The following SYT8 variants were observed in gnomAD, a reference collection of about 807,000 sequenced individuals.
SYT8 encodes synaptotagmin 8.
A neutral mutation model predicts 34.9 loss-of-function variants in SYT8; 50 were observed. The observed-to-expected ratio is 1.43, with a 90% CI of 1.14 to 1.81. The LOEUF (loss-of-function observed/expected upper bound fraction) is 1.81. Among genes scored for constraint, SYT8 ranks in the 40% most tolerant of loss-of-function variants. The probability of loss-of-function intolerance (pLI) is 0.00; values close to 1 mark genes in which losing one functional copy is unlikely to be tolerated. For synonymous variants in SYT8, 255 were observed against 234.2 expected, an observed-to-expected ratio of 1.09 and a Z score of -0.81; for missense variants, 595 against 529.0, an observed-to-expected ratio of 1.12 and a Z score of -1.22.
chr11:1,832,033 T>C, upstream of SYT8: 1 of 335,980 alleles, frequency 3.0e-6, no homozygotes, highest in Non-Finnish European at 6.0e-6. Context: ...GAGGGAAGCA[T>C]TAGCAAGCCT....
At position 1,835,977 on chromosome 11, in the gene SYT8, G is replaced by A. The variant is rs139074200; in HGVS notation, c.350G>A (p.Ser117Asn). ...CTCTCCCTGGAGTTCGACTTTGGAA[G>A]CCAGGAGGTGAAGGGCCCCGCTGCG... ...LQLSLEFDFG[S>N]QEIRVGLRQA... Residue 117 changes from serine (S) to asparagine (N), a missense_variant, in exon 3 of 8, where the codon AGC becomes AAC. By Grantham distance (46) the Ser-to-Asn change is conservative (BLOSUM62 1). Coordinates refer to ENST00000341958, the MANE Select transcript of SYT8 (RefSeq NM_001394072.1). 5.2e-5 allele frequency: 84 copies of A among 1,606,064 alleles called. No individual in the cohort carries two copies. Among genetic ancestry groups the A allele is most frequent in the Non-Finnish European group, 6.7e-5 (79 of 1,177,688 alleles).
upstream of SYT8, chr11:1,834,760 G>C (rs993103180): frequency 3.7e-6 from 3 of 812,118 alleles, no homozygotes; most frequent in Non-Finnish European, 6.0e-6. This position sits in a 1 kb window ranked among gnomAD's most constrained non-coding sequence, Gnocchi z 4.5. Flanking sequence ...GGTGGAGGAC[G>C]CATCCTACAG....
chr11:1,832,058 C>G (rs958230956), upstream of SYT8, among the ~76,000 whole-genome samples: 7 of 152,230 alleles, frequency 4.6e-5, no homozygotes, highest in African/African-American at 1.7e-4. Flanking sequence ...TGGTGCCCGC[C>G]TTGGGCTAAC....
chr11:1,835,668 C>T (rs1846873435), intron 2 of SYT8: 4 of 744,392 alleles, frequency 5.4e-6, no homozygotes, highest in East Asian at 5.4e-5. Context: ...GAGGGAGCCA[C>T]AGCGGGTTCT....
intron 2 of SYT8, 24 bp from the exon 3 acceptor site, chr11:1,835,862 G>A (rs1422842529): frequency 1.3e-6 from 2 of 1,596,748 alleles, no homozygotes; most frequent in Non-Finnish European, 1.7e-6. Context: ...AGCACCACCT[G>A]CCCCTTGTCC....
chr11:1,832,532 G>T (rs1006482170), upstream of SYT8, among the ~76,000 whole-genome samples: 6 of 152,186 alleles, frequency 3.9e-5, no homozygotes, highest in African/African-American at 1.4e-4. Flanking sequence ...TGGGAGGGGA[G>T]ACCCGAGAGC....
At chr11:1,835,544 C>T (rs771760822) in intron 2 of SYT8, 85 bp downstream of exon 2, 1 of 1,508,888 alleles carries the variant, frequency 6.6e-7, no homozygotes, top group Non-Finnish European at 9.0e-7. Context: ...CGAGTTCAGC[C>T]CCAGGGATGG....
intron 2 of SYT8, 51 bp from the exon 3 acceptor site, chr11:1,835,835 T>C (rs1227492262): frequency 5.3e-6 from 8 of 1,507,758 alleles, no homozygotes; most frequent in Non-Finnish European, 7.4e-6. Flanking sequence ...CCCAGGGCTC[T>C]GATGAGGCAT....
upstream of SYT8, among the ~76,000 whole-genome samples, chr11:1,833,421 G>A (rs955745277): frequency 1.1e-4 from 16 of 152,350 alleles, no homozygotes; most frequent in Middle Eastern, 3.4e-3. Flanking sequence ...GCCCCAGCAC[G>A]CATTAAACCA....
In SYT8 at chr11:1,835,497, G is replaced by A; in HGVS notation, c.258+38G>A. The A allele has an allele frequency of 2.5e-6, 4 of 1,604,244 alleles. No homozygotes were observed. In the African/African-American group the frequency reaches 4.0e-5, roughly 16 times the overall value. On this transcript the variant is annotated intron_variant, in intron 2 of 7. Transcript: ENST00000341958. ...TCCTTGCTCACTCAGTCCAGAGAGG[G>A]CTTGAAATCCAGGCTCCAGAGCCCA... is the stretch of plus-strand genomic sequence containing the variant.
intron 7 of SYT8, 45 bp downstream of exon 7, chr11:1,837,135 C>T: frequency 1.2e-6 from 2 of 1,604,986 alleles, no homozygotes; most frequent in Non-Finnish European, 1.7e-6. Flanking sequence ...CAGTGCCAGA[C>T]CACGATGACT....
chr11:1,831,793 T>C (rs1375714001), upstream of SYT8: 2 of 455,636 alleles, frequency 4.4e-6, no homozygotes, highest in South Asian at 1.6e-5. Context: ...CAGGAGAGAG[T>C]TCCCCGTCAC....
At chr11:1,834,978 C>G (rs1846817621), upstream of SYT8, 12 of 968,270 alleles carry the variant, frequency 1.2e-5, no homozygotes, top group Non-Finnish European at 1.7e-5. This position sits in a 1 kb window ranked among gnomAD's most constrained non-coding sequence, Gnocchi z 4.5. Flanking sequence ...CGTGCTGCCT[C>G]CTTGCCCTGG....
At chr11:1,835,842 G>A in intron 2 of SYT8, 44 bp from the exon 3 acceptor site, 5 of 1,534,230 alleles carry the variant, frequency 3.3e-6, no homozygotes, top group Non-Finnish European at 3.6e-6. Context: ...CTCTGATGAG[G>A]CATGATGTCA....
At chr11:1,833,815 C>CGTGTGTGTGTGTGTGTGTGTGT (rs3837417), upstream of SYT8, 1 of 141,690 alleles carries the variant, frequency 7.1e-6, no homozygotes, top group African/African-American at 2.7e-5. Context: ...TGTGCGCGTG[C>CGTGTGTGTGTGTGTGTGTGTGT]GTGTGTGTGT....
At chr11:1,833,099 A>AG (rs1295663253), upstream of SYT8, among the ~76,000 whole-genome samples, 1 of 152,210 alleles carries the variant, frequency 6.6e-6, no homozygotes, top group Non-Finnish European at 1.5e-5. Context: ...CCACGTAGGG[A>AG]GGAGGCAGTG....
At chr11:1,832,222 G>C (rs1037935445), upstream of SYT8, among the ~76,000 whole-genome samples, 1 of 152,182 alleles carries the variant, frequency 6.6e-6, no homozygotes, top group Admixed American at 6.5e-5. Flanking sequence ...CGCTGGCCTT[G>C]GAGGGTGAGT....
In SYT8 at chr11:1,837,350, C is replaced by A. The variant is rs765027292; in HGVS notation, c.1083C>A (p.Pro361=). ...GGCGGCCCATTGCCCAGCGGCACCC[C>A]CTGCGGCCAGCCAGGGAGGTGGACC... ...HARRPIAQRH[P]LRPAREVDRM... Residue 361 remains proline (P), a synonymous_variant, in exon 8 of 8, where the codon CCC becomes CCA. Transcript: ENST00000341958. 9 of 1,594,648 alleles carry A rather than the reference C, an allele frequency of 5.6e-6. No homozygotes were observed. In the East Asian group the frequency reaches 1.8e-4, roughly 32 times the overall value.
chr11:1,836,137 C>T lies in SYT8; in HGVS notation c.369C>T (p.Gly123=), dbSNP rs1379030974. The T allele has an allele frequency of 6.6e-7, 1 of 1,507,386 alleles. No individual in the cohort carries two copies. Among genetic ancestry groups the T allele is most frequent in the Non-Finnish European group, 8.9e-7 (1 of 1,128,382 alleles). The allele number at this position is 1,507,386 out of a possible 1,614,324, so 93.4% of individuals were successfully genotyped here. ...CCGCTGGCTCCCAGATCAGGGTGGG[C>T]CTGAGGCAGGCAGCCGACCTGAGGC... The part of the protein sequence containing the change: ...FDFGSQEIRV[G]LRQAADLRPG... The change falls in exon 4 of 8, where the codon GGC becomes GGT. Residue 123 remains glycine (G), a synonymous_variant. Coordinates refer to ENST00000341958, the MANE Select transcript of SYT8 (RefSeq NM_001394072.1).
Sources: gnomAD v4.1 joint callset for allele counts (sites outside exome capture counted in the v4.1 genomes callset) on GRCh38, gnomAD v4.1.1 for gene constraint, Gnocchi (gnomAD v3.1) non-coding constraint, MANE v1.5 for transcripts, NCBI Gene and HGNC (gene_info 2026-07-23, HGNC 2026-07-21) for gene names.